HEATR5A: variants seen among roughly 807,000 people sequenced by gnomAD.
HEATR5A encodes HEAT repeat-containing protein 5A.
A neutral mutation model predicts 218.8 loss-of-function variants in HEATR5A; 178 were observed. That is an observed-to-expected ratio of 0.81 (90% CI 0.72 to 0.92). HEATR5A has a LOEUF of 0.92. Ranked by LOEUF, HEATR5A falls within the 40% of genes least tolerant of loss-of-function variation. The pLI is 0.00. For missense variants in HEATR5A, 2,420 were observed against 2,418.9 expected (o/e 1.00, Z -0.01); for synonymous variants, 864 against 871.6 (o/e 0.99, Z 0.15).
chr14:31,374,874 G>T lies in HEATR5A; in HGVS notation c.1803C>A (p.Ser601Arg). The change falls in exon 12 of 36, where the codon AGC becomes AGA. Residue 601 changes from serine to arginine, a missense_variant. By Grantham distance (110) the Ser-to-Arg change is moderately radical. Coordinates refer to ENST00000543095, the MANE Select transcript of HEATR5A (RefSeq NM_015473.4). ...ASPKDLETEK[S>R]RGDSFTWQVT... ...CCTGCCATGTAAACGAATCTCCTCG[G>T]CTCTTTTCTGTTTCTAGATCTTTAG... 1 of 1,613,602 alleles carries T rather than the reference G, an allele frequency of 6.2e-7. No homozygotes were observed. Among genetic ancestry groups the T allele is most frequent in the Non-Finnish European group, 8.5e-7 (1 of 1,179,760 alleles).
chr14:31,417,694 G>A (rs1329532000), intron 1 of HEATR5A, among the ~76,000 whole-genome samples: 1 of 151,142 alleles, frequency 6.6e-6, no homozygotes, highest in African/African-American at 2.4e-5. Flanking sequence ...AGGTTGCAGT[G>A]AGCCTAGATG....
intron 23 of HEATR5A, among the ~76,000 whole-genome samples, 184 bp from the exon 24 acceptor site, chr14:31,323,988 C>T (rs1900185866): frequency 6.6e-6 from 1 of 151,974 alleles, no homozygotes; most frequent in African/African-American, 2.4e-5. Context: ...AACTAAACAG[C>T]TGTCTAAAGG....
At chr14:31,335,854 T>A (rs1900632491) in intron 22 of HEATR5A, among the ~76,000 whole-genome samples, 1 of 151,884 alleles carries the variant, frequency 6.6e-6, no homozygotes, top group Non-Finnish European at 1.5e-5. Flanking sequence ...GGGGTTTCGC[T>A]ATGTTGGCCA....
intron 33 of HEATR5A, 33 bp downstream of exon 33, chr14:31,302,262 C>A: frequency 6.8e-7 from 1 of 1,469,490 alleles, no homozygotes; most frequent in Non-Finnish European, 9.3e-7. Flanking sequence ...CTTTTTAAGA[C>A]AAACTGAACT....
At position 31,293,236 on chromosome 14, in the gene HEATR5A, C is replaced by A; in HGVS notation, c.*69G>T. The A allele has an allele frequency of 8.1e-7, 1 of 1,239,416 alleles. No homozygotes were observed. The highest frequency in any genetic ancestry group is 1.5e-5 in the South Asian group (1 of 66,764). The allele number at this position is 1,239,416 out of a possible 1,614,324, so 76.8% of individuals were successfully genotyped here. ...CTAAGGGCACTTGTGTCTACAATGT[C>A]CCTTTTGTCACCAAAGGCAATGATC... On this transcript the variant is annotated 3_prime_UTR_variant, in exon 36 of 36. Transcript: ENST00000543095.
intron 33 of HEATR5A, among the ~76,000 whole-genome samples, chr14:31,298,460 A>C (rs1307212496): frequency 6.6e-6 from 1 of 151,972 alleles, no homozygotes; most frequent in Non-Finnish European, 1.5e-5. Flanking sequence ...CCTCAACATG[A>C]ATTATTATTA....
At chr14:31,414,951 C>T (rs1400416576) in intron 1 of HEATR5A, among the ~76,000 whole-genome samples, 1 of 152,178 alleles carries the variant, frequency 6.6e-6, no homozygotes, top group African/African-American at 2.4e-5. Context: ...AGTGATTTTC[C>T]TGCCTCAGTC....
chr14:31,399,192 T>A (rs2030777218), intron 3 of HEATR5A, among the ~76,000 whole-genome samples: 1 of 152,222 alleles, frequency 6.6e-6, no homozygotes, highest in South Asian at 2.1e-4. Flanking sequence ...AGTGACTATT[T>A]TAAATTTTGC....
chr14:31,386,523 T>C lies in HEATR5A; in HGVS notation c.1242A>G (p.Val414=). ...AAACCAGCATATGTTGGCTAGCGGC[T>C]ACATCTGTGGAACCAAGCCGGGTTT... The part of the protein sequence containing the change: ...NLETRLGSTD[V]AASQHMLVCA... The change falls in exon 9 of 36, where the codon GTA becomes GTG. Residue 414 remains valine, a synonymous_variant. Coordinates refer to ENST00000543095, the MANE Select transcript of HEATR5A (RefSeq NM_015473.4). 2 of 1,606,950 alleles carry C rather than the reference T, an allele frequency of 1.2e-6. No homozygotes were observed. Among genetic ancestry groups the C allele is most frequent in the Non-Finnish European group, 1.7e-6 (2 of 1,177,808 alleles).
Position 31,312,979 on chromosome 14 carries a change from A to T in HEATR5A, c.4430T>A (p.Leu1477His), listed in dbSNP as rs768621640. The T allele has an allele frequency of 1.2e-6, 2 of 1,610,518 alleles. No homozygotes were observed. The highest frequency in any genetic ancestry group is 1.7e-6 in the Non-Finnish European group (2 of 1,176,830). Residue 1477 changes from leucine (L) to histidine (H), a missense_variant, in exon 28 of 36, where the codon CTT (leucine) becomes CAT (histidine). Transcript: ENST00000543095. ...LTLPSEFASQLPAEGGAFYTA... is the reference protein window; with the variant it reads ...LTLPSEFASQHPAEGGAFYTA... Reference sequence around the variant, plus strand: ...TTTTATCTCCTTACCTTCAGCAGGAAGTTGGGAGGCAAATTCTGAAGGCAA... The same window carrying T: ...TTTTATCTCCTTACCTTCAGCAGGATGTTGGGAGGCAAATTCTGAAGGCAA...
At chr14:31,351,968 T>G (rs61393713) in intron 16 of HEATR5A, among the ~76,000 whole-genome samples, 3,042 of 152,236 alleles carry the variant, frequency 0.02, 91 homozygotes, top group African/African-American at 0.069. Flanking sequence ...ATACACATAC[T>G]AAAATTTATT....
At chr14:31,365,071 T>C (rs2139242121) in intron 13 of HEATR5A, among the ~76,000 whole-genome samples, 1 of 151,872 alleles carries the variant, frequency 6.6e-6, no homozygotes, top group African/African-American at 2.4e-5. Context: ...GACGGGGTTT[T>C]ACCATATTGG....
intron 21 of HEATR5A, 77 bp downstream of exon 21, chr14:31,343,819 T>C: frequency 8.4e-7 from 1 of 1,190,248 alleles, no homozygotes; most frequent in Non-Finnish European, 1.2e-6. Flanking sequence ...GTCTAGAGTA[T>C]AATTAAAATG....
chr14:31,336,129 C>T (rs1438599394), intron 22 of HEATR5A, among the ~76,000 whole-genome samples: 1 of 148,460 alleles, frequency 6.7e-6, no homozygotes, highest in Admixed American at 6.8e-5. Context: ...CAGATGTGTA[C>T]CATGACACCT....
rs1899055285 is a variant in HEATR5A at position 31,292,433 on chromosome 14, C to G, written c.*872G>C. 6.6e-6 allele frequency: 1 copy of G among 152,098 alleles called. No individual in the cohort carries two copies. The highest frequency in any genetic ancestry group is 1.5e-5 in the Non-Finnish European group (1 of 68,030). 9.4% of individuals were successfully genotyped at this position (152,098 alleles called of 1,614,324 possible). On this transcript the variant is annotated 3_prime_UTR_variant, in exon 36 of 36. Transcript: ENST00000543095. ...ATGGTGGAAAACCATGATATAGACACCAAATCTTATGTTGCACTGTAAGGC... is the reference window on the plus strand; with the variant it reads ...ATGGTGGAAAACCATGATATAGACAGCAAATCTTATGTTGCACTGTAAGGC...
chr14:31,350,106 A>G lies in HEATR5A; in HGVS notation c.2518-127T>C, dbSNP rs377493847. On this transcript the variant is annotated intron_variant, in intron 17 of 35. Coordinates refer to ENST00000543095, the MANE Select transcript of HEATR5A (RefSeq NM_015473.4). ...TTGGATTACTACTTAAAAACAAATA[A>G]GAACACAAAAATCCACACTGATAAT... The G allele has an allele frequency of 8.5e-5, 47 of 552,692 alleles. 1 individual carries two copies. Among genetic ancestry groups the G allele is most frequent in the African/African-American group, 7.2e-4 (37 of 51,248 alleles). 34.2% of individuals were successfully genotyped at this position (552,692 alleles called of 1,614,324 possible).
intron 2 of HEATR5A, among the ~76,000 whole-genome samples, chr14:31,401,026 A>G (rs6571418): frequency 0.88 from 133,287 of 151,828 alleles, 60,334 homozygotes; most frequent in Non-Finnish European, 1. Flanking sequence ...TTTTCAGTAC[A>G]GACAGGGTTT....
In HEATR5A at chr14:31,293,974, G is replaced by A; in HGVS notation, c.5750C>T (p.Pro1917Leu). The A allele has an allele frequency of 6.2e-7, 1 of 1,607,222 alleles. No individual in the cohort carries two copies. Among genetic ancestry groups the A allele is most frequent in the Non-Finnish European group, 8.5e-7 (1 of 1,176,608 alleles). ...GATCTCAAGCTCAGCAGTGTTTTCA[G>A]GTTTTCTCTTGTCTATTTCCTGCAG... is the stretch of plus-strand genomic sequence containing the variant. ...EKLQEIDKRK[P>L]ENTAELEIFQ... Residue 1917 changes from proline (P) to leucine (L), a missense_variant, in exon 35 of 36, where the codon CCT becomes CTT. Transcript: ENST00000543095.
chr14:31,303,786 G>A (rs1899466231), intron 32 of HEATR5A, among the ~76,000 whole-genome samples: 2 of 152,156 alleles, frequency 1.3e-5, no homozygotes, highest in South Asian at 4.1e-4. Flanking sequence ...TTCAGATCAA[G>A]TAACGACACG....
Sources: gnomAD v4.1 joint callset for allele counts (sites outside exome capture counted in the v4.1 genomes callset) on GRCh38, gnomAD v4.1.1 for gene constraint, MANE v1.5 for transcripts, NCBI Gene and HGNC (gene_info 2026-07-23, HGNC 2026-07-21) for gene names.